Variants in VTI1A observed in about 807,000 individuals in gnomAD.
The protein encoded by VTI1A is vesicle transport through interaction with t-SNAREs homolog 1A.
VTI1A carries 22 observed loss-of-function variants against 34.9 expected under a neutral mutation model. That is an observed-to-expected ratio of 0.63 (90% CI 0.45 to 0.90). VTI1A has a LOEUF of 0.90. Among genes scored for constraint, VTI1A ranks in the 40% least tolerant of loss-of-function variants. VTI1A has a pLI of 0.00. For missense variants in VTI1A, 268 were observed against 275.6 expected (o/e 0.97, Z 0.20); for synonymous variants, 87 against 97.3 (o/e 0.89, Z 0.62).
At chr10:112,721,081 C>T (rs926370242) in intron 7 of VTI1A, among the ~76,000 whole-genome samples, 3 of 152,130 alleles carry the variant, frequency 2.0e-5, no homozygotes, top group Non-Finnish European at 2.9e-5. Context: ...TTTATTTTCT[C>T]GTTTTATGTG....
intron 1 of VTI1A, among the ~76,000 whole-genome samples, chr10:112,454,632 A>T (rs906157389): frequency 6.6e-6 from 1 of 151,444 alleles, no homozygotes. Flanking sequence ...TTAAAAATGT[A>T]TTGAGTAGGA....
intron 5 of VTI1A, among the ~76,000 whole-genome samples, chr10:112,645,726 TAA>T (rs1171388642): frequency 6.6e-6 from 1 of 152,170 alleles, no homozygotes; most frequent in East Asian, 1.9e-4. Context: ...ATTCTACTGA[TAA>T]GTGTATATCT....
chr10:112,549,136 A>G (rs2134289793), intron 5 of VTI1A, among the ~76,000 whole-genome samples: 1 of 152,294 alleles, frequency 6.6e-6, no homozygotes, highest in Admixed American at 6.5e-5. Flanking sequence ...GACTCCTGAG[A>G]AAATAGACCC....
intron 5 of VTI1A, among the ~76,000 whole-genome samples, chr10:112,560,925 C>T (rs1390170515): frequency 1.3e-5 from 2 of 152,048 alleles, no homozygotes; most frequent in African/African-American, 4.8e-5. Context: ...AAGTTTCTCA[C>T]TAACCTTTAG....
chr10:112,627,571 T>A (rs1289161653), intron 5 of VTI1A, among the ~76,000 whole-genome samples: 3 of 152,174 alleles, frequency 2.0e-5, no homozygotes, highest in Non-Finnish European at 2.9e-5. Flanking sequence ...TATTTAAGCT[T>A]TGAGGGTTTC....
chr10:112,736,769 G>T (rs1461564891), intron 7 of VTI1A: 9 of 1,538,906 alleles, frequency 5.8e-6, no homozygotes, highest in African/African-American at 2.7e-5. Flanking sequence ...GGCCCCAAAG[G>T]CTTGAACCAG....
At chr10:112,464,870 C>G (rs1589797819) in intron 3 of VTI1A, 1 of 568,788 alleles carries the variant, frequency 1.8e-6, no homozygotes, top group East Asian at 2.9e-5. Flanking sequence ...ACAAATAGAT[C>G]CAAATCATGC....
intron 7 of VTI1A, among the ~76,000 whole-genome samples, chr10:112,802,885 C>T (rs1217056106): frequency 6.6e-6 from 1 of 152,092 alleles, no homozygotes; most frequent in African/African-American, 2.4e-5. Flanking sequence ...AAACAAGGGA[C>T]ATTTTGACAC....
chr10:112,826,596 G>A, the VTI1A span: 2 of 152,216 alleles, frequency 1.3e-5, no homozygotes, highest in Admixed American at 6.5e-5. Context: ...TGAGTTTCAG[G>A]TGAAGCCTAG....
intron 3 of VTI1A, among the ~76,000 whole-genome samples, chr10:112,502,572 C>T (rs1452982564): frequency 6.6e-6 from 1 of 152,216 alleles, no homozygotes; most frequent in Non-Finnish European, 1.5e-5. Flanking sequence ...ATGAACATGA[C>T]TGTGGACCCA....
At chr10:112,744,903 T>A (rs1850839916) in intron 7 of VTI1A, among the ~76,000 whole-genome samples, 1 of 152,176 alleles carries the variant, frequency 6.6e-6, no homozygotes, top group African/African-American at 2.4e-5. Context: ...TAGAACAGGT[T>A]TTGTGGGACC....
chr10:112,530,334 T>C (rs928449964), intron 4 of VTI1A, among the ~76,000 whole-genome samples: 3 of 152,224 alleles, frequency 2.0e-5, no homozygotes, highest in Non-Finnish European at 4.4e-5. Context: ...ATTTTATTTC[T>C]TTGAAAGAGT....
intron 7 of VTI1A, among the ~76,000 whole-genome samples, chr10:112,704,039 T>C (rs1849106238): frequency 6.6e-6 from 1 of 152,208 alleles, no homozygotes; most frequent in South Asian, 2.1e-4. Context: ...TATGGTACTT[T>C]TAATTTGTTA....
At chr10:112,447,878 T>C (rs1846979195) in intron 1 of VTI1A, among the ~76,000 whole-genome samples, 1 of 152,200 alleles carries the variant, frequency 6.6e-6, no homozygotes, top group Non-Finnish European at 1.5e-5. Flanking sequence ...GTTATAATTA[T>C]ATGCGGCAAA....
chr10:112,559,100 C>T (rs1187769096), intron 5 of VTI1A, among the ~76,000 whole-genome samples: 3 of 152,308 alleles, frequency 2.0e-5, no homozygotes, highest in African/African-American at 7.2e-5. Context: ...CTACCATCCT[C>T]TCCAAATAAT....
chr10:112,569,153 C>T (rs1322797022), intron 5 of VTI1A, among the ~76,000 whole-genome samples: 1 of 133,938 alleles, frequency 7.5e-6, no homozygotes, highest in African/African-American at 2.8e-5. Context: ...GATTCCATCT[C>T]AAAAAAAAAA....
rs190179045 is a variant in VTI1A at position 112,678,184 on chromosome 10, A to G, written c.560+9186A>G. ...TCTTTTTTCTTGATTGTGAGCCACAATTTGACCTAATTTTTGAATTACTTT... is the reference window on the plus strand; with the variant it reads ...TCTTTTTTCTTGATTGTGAGCCACAGTTTGACCTAATTTTTGAATTACTTT... On this transcript the variant is annotated intron_variant, in intron 7 of 7. Transcript: ENST00000393077. Among the ~76,000 whole-genome samples, 897 of 152,284 alleles carry G rather than the reference A, an allele frequency of 5.9e-3. 5 individuals are homozygous for G. The highest frequency in any genetic ancestry group is 9.1e-3 in the Non-Finnish European group (621 of 68,010).
intron 5 of VTI1A, among the ~76,000 whole-genome samples, chr10:112,566,617 CTACTA>C (rs934798679): frequency 1.1e-4 from 16 of 152,054 alleles, no homozygotes; most frequent in Non-Finnish European, 1.5e-4. Flanking sequence ...ATATTTCTCT[CTACTA>C]TAATAATAGT....
At chr10:112,525,555 A>C (rs1850193798) in intron 3 of VTI1A, among the ~76,000 whole-genome samples, 1 of 152,202 alleles carries the variant, frequency 6.6e-6, no homozygotes, top group Non-Finnish European at 1.5e-5. Context: ...TTCCCTAAAA[A>C]GCAAAGGAAT....
Sources: gnomAD v4.1 joint callset for allele counts (sites outside exome capture counted in the v4.1 genomes callset) on GRCh38, gnomAD v4.1.1 for gene constraint, MANE v1.5 for transcripts, NCBI Gene and HGNC (gene_info 2026-07-23, HGNC 2026-07-21) for gene names.